ZMYM4: variants seen among roughly 807,000 people sequenced by gnomAD.
ZMYM4 encodes zinc finger MYM-type protein 4.
A neutral mutation model predicts 183.2 loss-of-function variants in ZMYM4; 31 were observed. The observed-to-expected ratio is 0.17, with a 90% CI of 0.13 to 0.23. The LOEUF (loss-of-function observed/expected upper bound fraction) is 0.23, where lower values mean the gene tolerates loss of function less well. Among genes scored for constraint, ZMYM4 ranks in the 10% least tolerant of loss-of-function variants. ZMYM4 has a pLI of 1.00. For synonymous variants in ZMYM4, 592 were observed against 631.2 expected (o/e 0.94, Z 0.93); for missense variants, 1,273 against 1,840.3 (o/e 0.69, Z 5.64).
intron 1 of ZMYM4, among the ~76,000 whole-genome samples, chr1:35,293,608 C>T (rs745458146): frequency 3.9e-5 from 6 of 152,092 alleles, no homozygotes; most frequent in Non-Finnish European, 8.8e-5. Flanking sequence ...TGAGCTCCTG[C>T]GCCCGGCTGT....
chr1:35,277,628 T>G (rs1265933043), intron 1 of ZMYM4, among the ~76,000 whole-genome samples: 1 of 152,198 alleles, frequency 6.6e-6, no homozygotes, highest in Middle Eastern at 3.2e-3. Flanking sequence ...CATTATTTCA[T>G]TAGAAGAGTG....
At chr1:35,392,410 CT>C (rs1317921513) in intron 16 of ZMYM4, 58 bp downstream of exon 16, 1 of 1,561,406 alleles carries the variant, frequency 6.4e-7, no homozygotes, top group Non-Finnish European at 8.6e-7. Context: ...CAGTGGTCCC[CT>C]AACTTCCTTT....
At chr1:35,370,156 C>T (rs377662871) in intron 6 of ZMYM4, 43 bp downstream of exon 6, 2 of 1,590,730 alleles carry the variant, frequency 1.3e-6, no homozygotes, top group Non-Finnish European at 8.6e-7. Context: ...ATGTTCTGAC[C>T]AATATGAATG....
At chr1:35,281,411 A>G (rs998304972) in intron 1 of ZMYM4, among the ~76,000 whole-genome samples, 3 of 152,154 alleles carry the variant, frequency 2.0e-5, no homozygotes, top group Admixed American at 6.5e-5. Context: ...AAAACAATAG[A>G]ACTCATAGAA....
At chr1:35,311,804 A>G in intron 1 of ZMYM4, among the ~76,000 whole-genome samples, 1 of 151,938 alleles carries the variant, frequency 6.6e-6, no homozygotes, top group South Asian at 2.1e-4. Flanking sequence ...TTATTCAGAT[A>G]TTTATTATTT....
At chr1:35,285,423 A>G (rs1289821729) in intron 1 of ZMYM4, among the ~76,000 whole-genome samples, 1 of 152,134 alleles carries the variant, frequency 6.6e-6, no homozygotes, top group East Asian at 1.9e-4. Flanking sequence ...TCAAGTATCA[A>G]TCAGTATAAT....
intron 5 of ZMYM4, among the ~76,000 whole-genome samples, chr1:35,366,979 G>A (rs753533783): frequency 5.4e-5 from 8 of 148,926 alleles, no homozygotes; most frequent in African/African-American, 7.5e-5. Context: ...AGCCAAGATC[G>A]CACCATCGTG....
intron 2 of ZMYM4, among the ~76,000 whole-genome samples, chr1:35,342,922 C>T (rs946718842): frequency 2.0e-5 from 3 of 151,948 alleles, no homozygotes; most frequent in Admixed American, 6.6e-5. Context: ...CCTCAAGCGA[C>T]CTGCCCGCCT....
chr1:35,419,555 A>G lies in ZMYM4; in HGVS notation c.4525A>G (p.Thr1509Ala). 1.2e-6 allele frequency: 2 copies of G among 1,614,024 alleles called. No individual in the cohort carries two copies. Among genetic ancestry groups the G allele is most frequent in the East Asian group, 2.2e-5 (1 of 44,880 alleles). ...CVPNSPMWYS[T>A]FPIDPGTLDT... ...CCCGAATAGCCCCATGTGGTACTCC[A>G]CATTCCCGATAGACCCTGGAACCCT... Residue 1509 changes from threonine to alanine, a missense_variant, in exon 30 of 30, where the codon ACA (threonine) becomes GCA (alanine). This residue lies in a region of ZMYM4 where 145 missense variants were observed against 331.6 expected (regional missense o/e 0.44). Coordinates refer to ENST00000314607, the MANE Select transcript of ZMYM4 (RefSeq NM_005095.3).
At chr1:35,287,752 T>C (rs528958166) in intron 1 of ZMYM4, among the ~76,000 whole-genome samples, 271 of 152,086 alleles carry the variant, frequency 1.8e-3, no homozygotes, top group African/African-American at 6.4e-3. Flanking sequence ...ATTACAGGCA[T>C]GCGCCACCAT....
chr1:35,324,824 T>A (rs1642435268), intron 1 of ZMYM4, among the ~76,000 whole-genome samples: 1 of 152,202 alleles, frequency 6.6e-6, no homozygotes, highest in Non-Finnish European at 1.5e-5. Context: ...TGCTTTCTTT[T>A]CCCTCTGTGT....
chr1:35,413,234 T>C (rs1264124449), intron 26 of ZMYM4, among the ~76,000 whole-genome samples: 1 of 152,092 alleles, frequency 6.6e-6, no homozygotes, highest in Non-Finnish European at 1.5e-5. Flanking sequence ...TTTGTAGAGA[T>C]GGGTCTCACT....
intron 23 of ZMYM4, among the ~76,000 whole-genome samples, chr1:35,400,654 T>G (rs1644891531): frequency 6.6e-6 from 1 of 152,236 alleles, no homozygotes; most frequent in Non-Finnish European, 1.5e-5. Context: ...ATTTTTAAGT[T>G]CTGAGTGTAC....
chr1:35,373,829 G>C (rs112124558), intron 7 of ZMYM4, among the ~76,000 whole-genome samples: 75 of 151,784 alleles, frequency 4.9e-4, no homozygotes, highest in African/African-American at 1.8e-3. Flanking sequence ...GAGCCACCGC[G>C]CCCAGCCCAA....
intron 1 of ZMYM4, among the ~76,000 whole-genome samples, chr1:35,282,058 A>G (rs573384738): frequency 6.6e-6 from 1 of 152,224 alleles, no homozygotes; most frequent in African/African-American, 2.4e-5. Context: ...TCATCCATCA[A>G]TAGACACCTT....
At position 35,408,735 on chromosome 1, in the gene ZMYM4, CA is replaced by C. The variant is rs78241812; in HGVS notation, c.3948+585del. 1.2e-3 allele frequency among the ~76,000 whole-genome samples: 177 copies of C among 150,248 alleles called. 1 individual carries two copies. Among genetic ancestry groups the C allele is most frequent in the African/African-American group, 4.1e-3 (169 of 40,976 alleles). On this transcript the variant is annotated intron_variant, in intron 26 of 29. Coordinates refer to ENST00000314607, the MANE Select transcript of ZMYM4 (RefSeq NM_005095.3). ...GAGTGAGAACCTGTCTGAGGAAAAA[CA>C]AAAAAAAAGTAACTTGCAGAATTAT...
chr1:35,360,418 G>T (rs548660728), intron 3 of ZMYM4, among the ~76,000 whole-genome samples: 1 of 152,112 alleles, frequency 6.6e-6, no homozygotes, highest in South Asian at 2.1e-4. Context: ...ACCAGTCCTT[G>T]TATTTCTTCT....
intron 1 of ZMYM4, among the ~76,000 whole-genome samples, chr1:35,280,111 T>C (rs2148682396): frequency 6.6e-6 from 1 of 151,728 alleles, no homozygotes; most frequent in South Asian, 2.1e-4. Context: ...TTCTTTTTGT[T>C]ACTTTCTTTT....
At chr1:35,292,952 T>C (rs1640832398) in intron 1 of ZMYM4, among the ~76,000 whole-genome samples, 1 of 152,104 alleles carries the variant, frequency 6.6e-6, no homozygotes, top group Non-Finnish European at 1.5e-5. Flanking sequence ...GGTGAAGTAT[T>C]GTAGAGTAGG....
Sources: gnomAD v4.1 joint callset for allele counts (sites outside exome capture counted in the v4.1 genomes callset) on GRCh38, gnomAD v4.1.1 for gene constraint, gnomAD v4.1.1 regional missense constraint, MANE v1.5 for transcripts, NCBI Gene and HGNC (gene_info 2026-07-23, HGNC 2026-07-21) for gene names.